The following CSMD1 variants were observed in gnomAD, a reference collection of about 807,000 sequenced individuals.
The protein encoded by CSMD1 is CUB and sushi domain-containing protein 1.
Under a neutral mutation model 417.5 loss-of-function variants are expected in CSMD1, and 213 were observed. That is an observed-to-expected ratio of 0.51 (90% CI 0.46 to 0.57). The LOEUF (loss-of-function observed/expected upper bound fraction) is 0.57. Among genes scored for constraint, CSMD1 ranks in the 20% least tolerant of loss-of-function variants. CSMD1 has a pLI of 0.00. For synonymous variants in CSMD1, 2,862 were observed against 1,736.8 expected (o/e 1.65, Z -16.11); for missense variants, 6,923 against 4,529.7 (o/e 1.53, Z -15.17).
intron 5 of CSMD1, among the ~76,000 whole-genome samples, chr8:3,847,659 CT>C (rs1803601310): frequency 2.0e-5 from 3 of 152,090 alleles, no homozygotes; most frequent in Non-Finnish European, 4.4e-5. Flanking sequence ...CCTTCAGCTG[CT>C]GCATTTCTGG....
At chr8:4,335,910 C>G (rs766152437) in intron 3 of CSMD1, among the ~76,000 whole-genome samples, 1 of 151,990 alleles carries the variant, frequency 6.6e-6, no homozygotes, top group African/African-American at 2.4e-5. Context: ...GCAATATGAT[C>G]AAAAATAGTG....
At chr8:3,214,006 C>T (rs1196284077) in intron 30 of CSMD1, among the ~76,000 whole-genome samples, 1 of 151,872 alleles carries the variant, frequency 6.6e-6, no homozygotes, top group Non-Finnish European at 1.5e-5. Context: ...CCACCACACC[C>T]AGTTAATTTT....
At chr8:3,864,808 A>C (rs1804970134) in intron 5 of CSMD1, among the ~76,000 whole-genome samples, 1 of 152,136 alleles carries the variant, frequency 6.6e-6, no homozygotes, top group Non-Finnish European at 1.5e-5. Flanking sequence ...GGGTCTAAAG[A>C]GCTATTTGTT....
intron 3 of CSMD1, among the ~76,000 whole-genome samples, chr8:4,244,161 C>T (rs148058101): frequency 3.9e-5 from 6 of 152,284 alleles, no homozygotes; most frequent in South Asian, 2.1e-4. Flanking sequence ...CTACAGGCAG[C>T]TCTGCAAGTT....
intron 2 of CSMD1, among the ~76,000 whole-genome samples, chr8:4,582,876 G>A (rs1799489421): frequency 6.6e-6 from 1 of 152,234 alleles, no homozygotes; most frequent in Non-Finnish European, 1.5e-5. Context: ...TTGCGGGCCA[G>A]CTGGAGTTCC....
intron 2 of CSMD1, among the ~76,000 whole-genome samples, chr8:4,551,411 A>T (rs1797863650): frequency 6.6e-6 from 1 of 152,242 alleles, no homozygotes; most frequent in East Asian, 1.9e-4. Context: ...CATGCGGACT[A>T]CTGTCCTTTC....
chr8:3,772,890 A>G (rs904498276), intron 5 of CSMD1, among the ~76,000 whole-genome samples: 1 of 152,042 alleles, frequency 6.6e-6, no homozygotes, highest in Non-Finnish European at 1.5e-5. Context: ...CAATGAAAAT[A>G]TCACAGATGA....
chr8:3,532,515 A>G (rs1798024723), intron 10 of CSMD1, among the ~76,000 whole-genome samples: 1 of 152,068 alleles, frequency 6.6e-6, no homozygotes, highest in Non-Finnish European at 1.5e-5. Flanking sequence ...TTCCCCTCAG[A>G]TGATCAGGAC....
intron 5 of CSMD1, among the ~76,000 whole-genome samples, chr8:3,937,905 T>C (rs1810616328): frequency 6.6e-6 from 1 of 152,140 alleles, no homozygotes; most frequent in Non-Finnish European, 1.5e-5. Context: ...ATTTAAAGAG[T>C]TATAAAACTT....
At chr8:3,874,004 G>A (rs781279434) in intron 5 of CSMD1, among the ~76,000 whole-genome samples, 2 of 152,244 alleles carry the variant, frequency 1.3e-5, no homozygotes, top group Middle Eastern at 3.4e-3. Flanking sequence ...CACACTGTGC[G>A]GCTGTAGAAC....
At chr8:4,604,030 A>T (rs1008523906) in intron 2 of CSMD1, among the ~76,000 whole-genome samples, 1 of 152,110 alleles carries the variant, frequency 6.6e-6, no homozygotes, top group Non-Finnish European at 1.5e-5. Flanking sequence ...AACTGGAAAG[A>T]TATGTATCAG....
chr8:4,389,799 T>C (rs1367469890), intron 3 of CSMD1, among the ~76,000 whole-genome samples: 1 of 152,120 alleles, frequency 6.6e-6, no homozygotes, highest in Non-Finnish European at 1.5e-5. Flanking sequence ...TGTAAAGCCT[T>C]ACAACTACTT....
At chr8:3,924,124 G>A (rs552784480) in intron 5 of CSMD1, among the ~76,000 whole-genome samples, 1 of 152,142 alleles carries the variant, frequency 6.6e-6, no homozygotes, top group Non-Finnish European at 1.5e-5. Flanking sequence ...GGGAAAATCT[G>A]TATCTCTCCA....
chr8:3,946,498 T>A (rs1313319389), intron 5 of CSMD1, among the ~76,000 whole-genome samples: 1 of 152,170 alleles, frequency 6.6e-6, no homozygotes, highest in Non-Finnish European at 1.5e-5. Context: ...TAAATCATAT[T>A]GACTATTCTA....
chr8:4,787,639 C>G, intron 1 of CSMD1: 1 of 1,583,152 alleles, frequency 6.3e-7, no homozygotes, highest in Non-Finnish European at 8.7e-7. Flanking sequence ...GTTCTTTTCT[C>G]AAAAGAAATC....
intron 41 of CSMD1, among the ~76,000 whole-genome samples, chr8:3,138,971 T>C (rs1332328440): frequency 1.3e-5 from 2 of 152,176 alleles, no homozygotes; most frequent in African/African-American, 2.4e-5. Flanking sequence ...GGCCATTTTC[T>C]AGGAGAAAGG....
Position 3,748,410 on chromosome 8 carries a change from G to A in CSMD1, c.931+5520C>T, listed in dbSNP as rs575788907. ...AGGGAGGTCCACTGCCATGGAAACA[G>A]GCAGGAGGCCCATGTGGAGGTTTCT... On this transcript the variant is annotated intron_variant, in intron 6 of 69. Coordinates refer to ENST00000635120, the MANE Select transcript of CSMD1 (RefSeq NM_033225.6). 4.6e-5 allele frequency among the ~76,000 whole-genome samples: 7 copies of A among 152,294 alleles called. No homozygotes were observed. In the East Asian group the frequency reaches 1.4e-3, roughly 29 times the overall value.
chr8:4,314,603 TCACACACACA>T (rs10610837), intron 3 of CSMD1, among the ~76,000 whole-genome samples: 1 of 150,392 alleles, frequency 6.6e-6, no homozygotes, highest in Admixed American at 6.6e-5. Context: ...TATTACATTT[TCACACACACA>T]CACACACACA....
At chr8:4,159,908 G>C (rs1027428803) in intron 3 of CSMD1, among the ~76,000 whole-genome samples, 1 of 151,808 alleles carries the variant, frequency 6.6e-6, no homozygotes, top group Admixed American at 6.6e-5. Context: ...AAAGGCTTAA[G>C]AATGATATAA....
Sources: gnomAD v4.1 joint callset for allele counts (sites outside exome capture counted in the v4.1 genomes callset) on GRCh38, gnomAD v4.1.1 for gene constraint, MANE v1.5 for transcripts, NCBI Gene and HGNC (gene_info 2026-07-23, HGNC 2026-07-21) for gene names.